The following SH3BP4 variants were observed in gnomAD, a reference collection of about 807,000 sequenced individuals.
SH3BP4 encodes SH3 domain binding protein 4, also known as SH3 domain-binding protein 4.
SH3BP4 carries 33 observed loss-of-function variants against 65.5 expected under a neutral mutation model. The ratio of observed to expected loss-of-function variants is 0.50; its 90% CI spans 0.38 to 0.67. The LOEUF is 0.67. Among genes scored for constraint, SH3BP4 ranks in the 30% least tolerant of loss-of-function variants. The pLI is 0.00. For synonymous variants in SH3BP4, 552 were observed against 545.5 expected (o/e 1.01, Z -0.17); for missense variants, 1,134 against 1,261.4 (o/e 0.90, Z 1.53).
intron 2 of SH3BP4, among the ~76,000 whole-genome samples, chr2:235,006,621 G>A (rs1282128175): frequency 6.6e-6 from 1 of 152,178 alleles, no homozygotes; most frequent in Non-Finnish European, 1.5e-5. Flanking sequence ...CCCTCGCTCT[G>A]CTTTGCCAGG....
rs1378829039 is a variant in SH3BP4, at chr2:235,034,223, T to C, written c.-132-648T>C. 2.0e-5 allele frequency among the ~76,000 whole-genome samples: 3 copies of C among 152,226 alleles called. No individual in the cohort carries two copies. The highest frequency in any genetic ancestry group is 4.4e-5 in the Non-Finnish European group (3 of 68,036). On this transcript the variant is annotated intron_variant, in intron 2 of 5. Transcript: ENST00000392011. This position sits in a 1 kb window ranked among gnomAD's most constrained non-coding sequence, Gnocchi z 6.2. Reference sequence around the variant, plus strand: ...GTGGTCTCTTCCACGGAAAGATCTTTCCTGCTTAGTAACAGTGGTTCAGTA... The same window carrying C: ...GTGGTCTCTTCCACGGAAAGATCTTCCCTGCTTAGTAACAGTGGTTCAGTA...
intron 2 of SH3BP4, among the ~76,000 whole-genome samples, chr2:235,012,917 A>G (rs1036729074): frequency 6.6e-6 from 1 of 152,242 alleles, no homozygotes; most frequent in Non-Finnish European, 1.5e-5. Context: ...ACAGGCCTCC[A>G]GGAGCAGGGC....
Position 234,952,916 on chromosome 2 carries a change from C to T in SH3BP4, c.-207+746C>T, listed in dbSNP as rs575215639. 6.6e-6 allele frequency: 1 copy of T among 152,098 alleles called. No individual in the cohort carries two copies. The highest frequency in any genetic ancestry group is 1.5e-5 in the Non-Finnish European group (1 of 68,018). 9.4% of individuals were successfully genotyped at this position (152,098 alleles called of 1,614,324 possible). On this transcript the variant is annotated intron_variant, in intron 1 of 5. Transcript: ENST00000392011. This position sits in a 1 kb window ranked among gnomAD's most constrained non-coding sequence, Gnocchi z 6.5. ...CAGTTGGGACCCCAACCCTGGGTCCCGCGGCTCCTAGCCCGGGGCCTGCGG... is the reference window on the plus strand; with the variant it reads ...CAGTTGGGACCCCAACCCTGGGTCCTGCGGCTCCTAGCCCGGGGCCTGCGG...
intron 1 of SH3BP4, among the ~76,000 whole-genome samples, chr2:234,992,751 C>T (rs1160181458): frequency 3.8e-5 from 5 of 130,140 alleles, no homozygotes; most frequent in African/African-American, 1.3e-4. Flanking sequence ...GCATTCCTGC[C>T]ATGTGGCTCT....
rs541158642 is a variant in SH3BP4, at chr2:234,987,877, T to A, written c.-206-7426T>A. 9.9e-5 allele frequency among the ~76,000 whole-genome samples: 15 copies of A among 152,174 alleles called. 1 individual carries two copies. In the East Asian group the frequency reaches 2.7e-3, roughly 27 times the overall value. The stretch of plus-strand genomic sequence containing the variant: ...TTCCAGTCTTTCTGTTGGGTGCAGG[T>A]CTTTTCTGAGTGTGGGTTTGGCCAT... On this transcript the variant is annotated intron_variant, in intron 1 of 5. Transcript: ENST00000392011.
intron 1 of SH3BP4, among the ~76,000 whole-genome samples, chr2:234,982,025 G>A (rs1043219261): frequency 3.3e-5 from 5 of 152,152 alleles, no homozygotes; most frequent in Non-Finnish European, 5.9e-5. Flanking sequence ...ACTGGCACAG[G>A]CAGTGGGGTC....
rs772604844 is a variant in SH3BP4, at chr2:234,997,438, A to G, written c.-133+2062A>G. On this transcript the variant is annotated intron_variant, in intron 2 of 5. Transcript: ENST00000392011. The surrounding 1 kb of genome is among the most constrained non-coding windows in gnomAD (Gnocchi z 4.2). ...TGATCCTGCTCCCACTGTCATCACC[A>G]TCAGAGGTAGTTTATCCTGGTGCCT... Among the ~76,000 whole-genome samples, 1 of 152,142 alleles carries G rather than the reference A, an allele frequency of 6.6e-6. No homozygotes were observed. Among genetic ancestry groups the G allele is most frequent in the Non-Finnish European group, 1.5e-5 (1 of 68,026 alleles).
chr2:235,041,036 C>T lies in SH3BP4; in HGVS notation c.267C>T (p.Gly89=), dbSNP rs1264945130. The T allele has an allele frequency of 3.7e-6, 6 of 1,614,136 alleles. No homozygotes were observed. The highest frequency in any genetic ancestry group is 2.2e-5 in the East Asian group (1 of 44,872). Residue 89 remains glycine, a synonymous_variant, in exon 4 of 6, where the codon GGC becomes GGT. Coordinates refer to ENST00000392011, the MANE Select transcript of SH3BP4 (RefSeq NM_014521.3). The surrounding 1 kb of genome is among the most constrained non-coding windows in gnomAD (Gnocchi z 6.0). The part of the protein sequence containing the change: ...GDHLYVLDTS[G]GEWWYAHNTT... ...ATCTCTACGTCTTGGACACATCTGG[C>T]GGTGAGTGGTGGTACGCACACAACA...
intron 1 of SH3BP4, among the ~76,000 whole-genome samples, chr2:234,988,948 A>G (rs1190866079): frequency 1.3e-5 from 2 of 152,196 alleles, no homozygotes; most frequent in Non-Finnish European, 2.9e-5. Flanking sequence ...TGTAACATCC[A>G]TCAGGTGAGA....
chr2:235,023,378 C>G (rs1694901951), intron 2 of SH3BP4, among the ~76,000 whole-genome samples: 1 of 152,102 alleles, frequency 6.6e-6, no homozygotes, highest in South Asian at 2.1e-4. Flanking sequence ...GAAACCCTGT[C>G]TGTATTTAAA....
At chr2:234,961,142 C>G (rs1692698549) in intron 1 of SH3BP4, among the ~76,000 whole-genome samples, 1 of 152,174 alleles carries the variant, frequency 6.6e-6, no homozygotes. Context: ...GAGGCTCAGC[C>G]TTCTGATCTC....
At position 235,041,728 on chromosome 2, in the gene SH3BP4, T is replaced by C; in HGVS notation, c.959T>C (p.Val320Ala). The change falls in exon 4 of 6, where the codon GTG becomes GCG. Residue 320 changes from valine (V) to alanine (A), a missense_variant. Physicochemically the swap from Val to Ala is moderately conservative, Grantham distance 64 (BLOSUM62 0). Coordinates refer to ENST00000392011, the MANE Select transcript of SH3BP4 (RefSeq NM_014521.3). The surrounding 1 kb of genome is among the most constrained non-coding windows in gnomAD (Gnocchi z 6.0). ...GQTQAVETNI[V>A]CKLDSSGGAV... The stretch of plus-strand genomic sequence containing the variant: ...ACCCAAGCCGTGGAGACAAACATCG[T>C]GTGCAAGCTGGATAGCTCCGGGGGT... The C allele has an allele frequency of 6.2e-7, 1 of 1,611,274 alleles. No homozygotes were observed.
chr2:234,955,274 T>C (rs905042953), intron 1 of SH3BP4, among the ~76,000 whole-genome samples: 4 of 152,170 alleles, frequency 2.6e-5, no homozygotes, highest in African/African-American at 9.7e-5. Flanking sequence ...AAGCAACGTT[T>C]ACACTCAGCT....
intron 2 of SH3BP4, among the ~76,000 whole-genome samples, chr2:235,019,346 G>A (rs964999069): frequency 6.6e-6 from 1 of 152,058 alleles, no homozygotes; most frequent in Non-Finnish European, 1.5e-5. Context: ...ACTGGACACA[G>A]TGGGCTGGAT....
chr2:234,990,354 G>A (rs960087370), intron 1 of SH3BP4, among the ~76,000 whole-genome samples: 2 of 152,198 alleles, frequency 1.3e-5, no homozygotes, highest in African/African-American at 4.8e-5. Flanking sequence ...GATGTCCACT[G>A]TGGAGGCTTA....
intron 1 of SH3BP4, among the ~76,000 whole-genome samples, chr2:234,954,962 T>A (rs2106236804): frequency 6.6e-6 from 1 of 152,272 alleles, no homozygotes; most frequent in South Asian, 2.1e-4. Context: ...GGTACCAGCC[T>A]TGTTTTGACC....
Position 235,042,859 on chromosome 2 carries a change from T to C in SH3BP4, c.2090T>C (p.Leu697Pro), listed in dbSNP as rs1342946573. 6.2e-7 allele frequency: 1 copy of C among 1,613,842 alleles called. No homozygotes were observed. ...SEERVRLRGQ[L>P]WTKEWYIGYY... ...GAGCGGGTCAGGCTCCGGGGCCAGC[T>C]GTGGACCAAGGAGTGGTACATCGGC... Residue 697 changes from leucine to proline, a missense_variant, in exon 4 of 6, where the codon CTG becomes CCG. By Grantham distance (98) the Leu-to-Pro change is moderately conservative (BLOSUM62 -3). Coordinates refer to ENST00000392011, the MANE Select transcript of SH3BP4 (RefSeq NM_014521.3). The surrounding 1 kb of genome is among the most constrained non-coding windows in gnomAD (Gnocchi z 7.3).
At chr2:235,016,869 C>A (rs1352713645) in intron 2 of SH3BP4, among the ~76,000 whole-genome samples, 1 of 152,144 alleles carries the variant, frequency 6.6e-6, no homozygotes. Flanking sequence ...TCCATCCCTT[C>A]CGAGCTAATG....
chr2:235,023,172 C>G (rs565586960), intron 2 of SH3BP4, among the ~76,000 whole-genome samples: 1 of 152,194 alleles, frequency 6.6e-6, no homozygotes, highest in Non-Finnish European at 1.5e-5. Context: ...GCTCAGCTGG[C>G]CTCCTTTTCA....
Sources: allele counts gnomAD v4.1 joint callset (sites outside exome capture counted in the v4.1 genomes callset), GRCh38; gene constraint gnomAD v4.1.1; non-coding constraint Gnocchi (gnomAD v3.1); transcripts MANE v1.5; gene names NCBI Gene and HGNC (gene_info 2026-07-23, HGNC 2026-07-21).